Variants in PDZD9 observed in about 807,000 individuals in gnomAD.
PDZD9 encodes the protein PDZ domain containing 9.
In PDZD9, 13 loss-of-function variants were observed where a neutral mutation model predicts 16.3. The ratio of observed to expected loss-of-function variants is 0.80; its 90% CI spans 0.52 to 1.27. The LOEUF is 1.27. Among genes scored for constraint, PDZD9 ranks in the 50% most tolerant of loss-of-function variants. The probability of loss-of-function intolerance (pLI) is 0.00; values close to 1 mark genes in which losing one functional copy is unlikely to be tolerated. For missense variants in PDZD9, 288 were observed against 310.9 expected (o/e 0.93, Z 0.55); for synonymous variants, 120 against 111.0 (o/e 1.08, Z -0.51).
At chr16:21,962,568 G>C in the PDZD9 span, 1 of 1,611,226 alleles carries the variant, frequency 6.2e-7, no homozygotes, top group Non-Finnish European at 8.5e-7. Context: ...ATACTAAGCT[G>C]CTCACTTCTG....
At chr16:21,962,607 G>A in the PDZD9 span, 1 of 1,595,852 alleles carries the variant, frequency 6.3e-7, no homozygotes, top group Non-Finnish European at 8.6e-7. Flanking sequence ...TATGACCTCT[G>A]ACTTCCATTT....
the PDZD9 span, chr16:21,968,815 A>G: frequency 1.6e-6 from 1 of 630,868 alleles, no homozygotes; most frequent in East Asian, 3.1e-5. Context: ...GACAGGCAAT[A>G]TATCATAGGA....
the PDZD9 span, among the ~76,000 whole-genome samples, chr16:21,970,338 C>T: frequency 6.6e-6 from 1 of 152,150 alleles, no homozygotes; most frequent in South Asian, 2.1e-4. Context: ...CATATGGTAA[C>T]TCTGTTTAAC....
At chr16:21,978,872 AAAAC>A (rs1892192020), downstream of PDZD9, among the ~76,000 whole-genome samples, 1 of 152,220 alleles carries the variant, frequency 6.6e-6, no homozygotes, top group South Asian at 2.1e-4. Flanking sequence ...ACCCTTGGTG[AAAAC>A]AAACAGGCCC....
chr16:21,981,131 C>G (rs748272697), downstream of PDZD9, among the ~76,000 whole-genome samples: 1 of 152,202 alleles, frequency 6.6e-6, no homozygotes, highest in Non-Finnish European at 1.5e-5. Flanking sequence ...TTTTCCTCTT[C>G]AGTCCTAGCA....
the PDZD9 span, chr16:21,958,713 A>G: frequency 1.1e-6 from 1 of 871,772 alleles, no homozygotes; most frequent in Non-Finnish European, 1.8e-6. Flanking sequence ...ATAAGAAGGA[A>G]AAGACTGATG....
chr16:21,976,759 A>G, the PDZD9 span: 2 of 152,238 alleles, frequency 1.3e-5, no homozygotes, highest in African/African-American at 4.8e-5. Flanking sequence ...ATACTTTTTT[A>G]TCTTATTTAA....
At chr16:21,986,521 G>C (rs919703437) in intron 3 of PDZD9, among the ~76,000 whole-genome samples, 2 of 152,160 alleles carry the variant, frequency 1.3e-5, no homozygotes, top group African/African-American at 4.8e-5. Context: ...AGTAGGATTT[G>C]ATTGTGAGTT....
the PDZD9 span, among the ~76,000 whole-genome samples, chr16:21,970,851 GT>G: frequency 3.9e-5 from 6 of 152,192 alleles, no homozygotes; most frequent in East Asian, 7.7e-4. Context: ...CTCCCAAACT[GT>G]TGGGATTACA....
At chr16:21,978,715 T>G in the PDZD9 span, among the ~76,000 whole-genome samples, 2 of 152,252 alleles carry the variant, frequency 1.3e-5, no homozygotes, top group African/African-American at 4.8e-5. Flanking sequence ...ACGGTTCACG[T>G]ACTTGGTGAA....
chr16:21,976,077 C>G, the PDZD9 span: 12 of 804,022 alleles, frequency 1.5e-5, no homozygotes, highest in Non-Finnish European at 2.5e-5. Context: ...AACCTTCCAT[C>G]TGTGTTTTTG....
chr16:21,967,747 T>C, the PDZD9 span, among the ~76,000 whole-genome samples: 21 of 152,282 alleles, frequency 1.4e-4, no homozygotes, highest in Middle Eastern at 3.4e-3. Flanking sequence ...ATTGTGATCT[T>C]ACAGTTTCGA....
chr16:21,992,394 C>T (rs915753076), intron 2 of PDZD9, among the ~76,000 whole-genome samples: 15 of 152,100 alleles, frequency 9.9e-5, no homozygotes, highest in African/African-American at 3.4e-4. Context: ...TCAACTTGAT[C>T]GGTTCAAAGG....
At chr16:21,983,439 A>G, downstream of PDZD9, 1 of 441,506 alleles carries the variant, frequency 2.3e-6, no homozygotes, top group Non-Finnish European at 4.0e-6. Context: ...GGAGACAGGA[A>G]TATAATTATT....
At chr16:21,995,147 C>CGAGT (rs924720128) in intron 2 of PDZD9, 9 of 435,224 alleles carry the variant, frequency 2.1e-5, no homozygotes, top group Non-Finnish European at 4.1e-5. Flanking sequence ...CTCGTGATAG[C>CGAGT]GAGTGAGTTC....
chr16:21,962,860 T>C, the PDZD9 span: 1 of 1,614,088 alleles, frequency 6.2e-7, no homozygotes, highest in East Asian at 2.2e-5. Context: ...TTGACAAAGC[T>C]GTGGCCTTTC....
chr16:21,984,351 G>A lies in PDZD9; in HGVS notation c.711C>T (p.Thr237=). The A allele has an allele frequency of 6.2e-7, 1 of 1,614,112 alleles. No individual in the cohort carries two copies. Among genetic ancestry groups the A allele is most frequent in the Non-Finnish European group, 8.5e-7 (1 of 1,179,998 alleles). ...GCCAAAATGCATCTGAGGTAGAGGA[G>A]GTAGAGGAGGAAGAGCTTTCATTGT... ...KQDNESSSSS[T]SSTSDAFWLE... is the part of the protein sequence containing the mutation. The change falls in exon 4 of 4, where the codon ACC becomes ACT. Residue 237 remains threonine, a synonymous_variant. Transcript: ENST00000424898.
chr16:21,989,828 G>A lies in PDZD9; in HGVS notation c.212-1037C>T, dbSNP rs932620621. Among the ~76,000 whole-genome samples the A allele has an allele frequency of 4.6e-5, 7 of 152,182 alleles. No individual in the cohort carries two copies. The East Asian group carries it at 9.7e-4, about 21-fold the overall frequency. ...GACTACATCTTGAGCACTAACCCCC[G>A]AAACCCCCAAATTGAAGGAAGCTAA... On this transcript the variant is annotated intron_variant, in intron 2 of 3. Transcript: ENST00000424898.
intron 2 of PDZD9, among the ~76,000 whole-genome samples, chr16:21,989,403 G>A (rs375986496): frequency 3.3e-5 from 5 of 151,920 alleles, no homozygotes; most frequent in African/African-American, 4.8e-5. Flanking sequence ...ATTTATAATC[G>A]GAACCAGCTG....
Sources: gnomAD v4.1 joint callset for allele counts (sites outside exome capture counted in the v4.1 genomes callset) on GRCh38, gnomAD v4.1.1 for gene constraint, MANE v1.5 for transcripts, NCBI Gene and HGNC (gene_info 2026-07-23, HGNC 2026-07-21) for gene names.